Variants in NFIB observed in about 807,000 individuals in gnomAD.
NFIB encodes nuclear factor I B, also known as nuclear factor 1 B-type.
In NFIB, 11 loss-of-function variants were observed where a neutral mutation model predicts 61.5. The ratio of observed to expected loss-of-function variants is 0.18; its 90% CI spans 0.11 to 0.30. The LOEUF is 0.30. NFIB is among the 10% of genes least tolerant of loss of function. NFIB has a pLI of 1.00. For synonymous variants in NFIB, 260 were observed against 216.5 expected (o/e 1.20, Z -1.76); for missense variants, 471 against 608.9 (o/e 0.77, Z 2.38).
chr9:14,177,326 T>C (rs1393391323), intron 3 of NFIB, among the ~76,000 whole-genome samples: 1 of 152,190 alleles, frequency 6.6e-6, no homozygotes, highest in East Asian at 1.9e-4. Flanking sequence ...TTTACTCCAG[T>C]TGACTACAAA....
At chr9:14,373,321 C>T (rs2061379976) in intron 1 of NFIB, among the ~76,000 whole-genome samples, 1 of 152,154 alleles carries the variant, frequency 6.6e-6, no homozygotes, top group Non-Finnish European at 1.5e-5. Context: ...TTCCCAAATC[C>T]TCTTATATGC....
upstream of NFIB, among the ~76,000 whole-genome samples, chr9:14,403,694 A>G (rs1287869381): frequency 2.6e-5 from 4 of 152,222 alleles, no homozygotes; most frequent in African/African-American, 9.6e-5. Context: ...CTTGTTAGAG[A>G]GGAAAGGATT....
intron 3 of NFIB, among the ~76,000 whole-genome samples, chr9:14,173,794 T>C (rs1187500602): frequency 1.3e-5 from 2 of 152,312 alleles, no homozygotes; most frequent in South Asian, 2.1e-4. Flanking sequence ...TGGGGAGACA[T>C]GGAAAAATCT....
At chr9:14,231,601 T>G (rs1315022872) in intron 2 of NFIB, among the ~76,000 whole-genome samples, 1 of 152,162 alleles carries the variant, frequency 6.6e-6, no homozygotes, top group African/African-American at 2.4e-5. Context: ...TCCCTAACAG[T>G]TCGTTCTTTT....
At chr9:14,215,978 G>T (rs1300436193) in intron 2 of NFIB, among the ~76,000 whole-genome samples, 1 of 151,998 alleles carries the variant, frequency 6.6e-6, no homozygotes, top group Non-Finnish European at 1.5e-5. Context: ...GTTCATGGGG[G>T]GTGGGCAATA....
intron 2 of NFIB, among the ~76,000 whole-genome samples, chr9:14,281,200 A>G (rs2058350446): frequency 6.6e-6 from 1 of 152,228 alleles, no homozygotes; most frequent in Non-Finnish European, 1.5e-5. Flanking sequence ...CATGGTTCCC[A>G]TAATTATCCA....
intron 2 of NFIB, among the ~76,000 whole-genome samples, chr9:14,227,201 T>C (rs1166186434): frequency 1.3e-5 from 2 of 151,388 alleles, no homozygotes; most frequent in Non-Finnish European, 2.9e-5. Context: ...ATTCTAAACA[T>C]GTGCAGAAAA....
At chr9:14,488,110 G>T in the NFIB span, among the ~76,000 whole-genome samples, 1 of 152,112 alleles carries the variant, frequency 6.6e-6, no homozygotes, top group Non-Finnish European at 1.5e-5. Context: ...ACGGTGGCTG[G>T]CTCGTGTCTG....
chr9:14,139,839 C>G (rs909507403), intron 6 of NFIB, among the ~76,000 whole-genome samples: 3 of 152,146 alleles, frequency 2.0e-5, no homozygotes, highest in Non-Finnish European at 4.4e-5. Context: ...TGTGATTTTT[C>G]AATTACAGCA....
chr9:14,398,568 G>A, exon 1 of NFIB: 2 of 1,535,088 alleles, frequency 1.3e-6, no homozygotes, highest in Non-Finnish European at 1.7e-6. Context: ...GGAATCCCAG[G>A]GTTACATTTC....
At chr9:14,267,336 C>T (rs555557524) in intron 2 of NFIB, among the ~76,000 whole-genome samples, 1 of 152,260 alleles carries the variant, frequency 6.6e-6, no homozygotes, top group South Asian at 2.1e-4. Flanking sequence ...TAGAGGAATA[C>T]AGCAAAATGC....
At position 14,175,260 on chromosome 9, in the gene NFIB, G is replaced by A. The variant is rs1241489121; in HGVS notation, c.616+4467C>T. ...GCGATCTCGGCTAACTGCAAGCTCCGCCTCCCAGGTTCACGCCACTCTCCT... is the reference window on the plus strand; with the variant it reads ...GCGATCTCGGCTAACTGCAAGCTCCACCTCCCAGGTTCACGCCACTCTCCT... On this transcript the variant is annotated intron_variant, in intron 3 of 10. Coordinates refer to ENST00000380953, the MANE Select transcript of NFIB (RefSeq NM_001190737.2). 5.8e-5 allele frequency among the ~76,000 whole-genome samples: 8 copies of A among 137,240 alleles called. No individual in the cohort carries two copies. In the East Asian group the frequency reaches 1.8e-3, roughly 31 times the overall value. The allele number at this position is 137,240 out of a possible 152,430, so 90.0% of individuals were successfully genotyped here. A position where few individuals can be genotyped will look rare whatever the true frequency, so the allele number is the denominator to read the frequency against.
At chr9:14,339,866 T>C (rs2132871070) in intron 1 of NFIB, among the ~76,000 whole-genome samples, 1 of 152,236 alleles carries the variant, frequency 6.6e-6, no homozygotes, top group South Asian at 2.1e-4. Context: ...TGGTAAAACA[T>C]CAGAAAGACA....
intron 1 of NFIB, among the ~76,000 whole-genome samples, chr9:14,365,884 A>G (rs2061294206): frequency 6.6e-6 from 1 of 152,106 alleles, no homozygotes; most frequent in African/African-American, 2.4e-5. Context: ...CAAACTGTAC[A>G]TCTTTTCTAC....
intron 2 of NFIB, among the ~76,000 whole-genome samples, chr9:14,272,514 T>C (rs1197843975): frequency 6.6e-6 from 1 of 152,068 alleles, no homozygotes; most frequent in Non-Finnish European, 1.5e-5. Context: ...TCCTGCAATA[T>C]CTTTAGTATT....
At chr9:14,373,486 T>C (rs2061381779) in intron 1 of NFIB, among the ~76,000 whole-genome samples, 1 of 152,168 alleles carries the variant, frequency 6.6e-6, no homozygotes, top group Non-Finnish European at 1.5e-5. Flanking sequence ...CTAAATCTTT[T>C]TGAATTATTG....
At chr9:14,322,684 G>A (rs1426807192) in intron 1 of NFIB, among the ~76,000 whole-genome samples, 1 of 148,766 alleles carries the variant, frequency 6.7e-6, no homozygotes, top group Non-Finnish European at 1.5e-5. Flanking sequence ...GGGGGCGGGC[G>A]CGCCGCGATG....
upstream of NFIB, among the ~76,000 whole-genome samples, chr9:14,400,606 A>G (rs923088359): frequency 3.9e-5 from 6 of 152,120 alleles, no homozygotes; most frequent in Non-Finnish European, 8.8e-5. Context: ...AATCGAAAGC[A>G]AACAACATGC....
chr9:14,343,792 C>T (rs2060982118), intron 1 of NFIB, among the ~76,000 whole-genome samples: 2 of 143,322 alleles, frequency 1.4e-5, no homozygotes, highest in African/African-American at 5.3e-5. Flanking sequence ...CCAAGCAGTG[C>T]CAAGAAGCAG....
Sources: allele counts gnomAD v4.1 joint callset (sites outside exome capture counted in the v4.1 genomes callset), GRCh38; gene constraint gnomAD v4.1.1; transcripts MANE v1.5; gene names NCBI Gene and HGNC (gene_info 2026-07-23, HGNC 2026-07-21).